Variants in ASAP1 observed in about 807,000 individuals in gnomAD.
ASAP1 encodes the protein arf-GAP with SH3 domain, ANK repeat and PH domain-containing protein 1.
Under a neutral mutation model 145.2 loss-of-function variants are expected in ASAP1, and 43 were observed. The observed-to-expected ratio is 0.30, with a 90% CI of 0.23 to 0.38. The LOEUF is 0.38. Ranked by LOEUF, ASAP1 falls within the 10% of genes least tolerant of loss-of-function variation. ASAP1 has a pLI of 1.00. For missense variants in ASAP1, 1,018 were observed against 1,355.3 expected (o/e 0.75, Z 3.91); for synonymous variants, 546 against 515.5 (o/e 1.06, Z -0.80).
chr8:130,093,187 T>C (rs1044469380), intron 24 of ASAP1, among the ~76,000 whole-genome samples: 3 of 151,968 alleles, frequency 2.0e-5, no homozygotes, highest in African/African-American at 7.3e-5. Context: ...CACACAAAAA[T>C]GGGGTTCGTT....
intron 3 of ASAP1, among the ~76,000 whole-genome samples, chr8:130,352,621 T>G (rs528641135): frequency 6.6e-6 from 1 of 152,338 alleles, no homozygotes; most frequent in South Asian, 2.1e-4. Flanking sequence ...ACTGGTTGTA[T>G]GACCTGGGCA....
chr8:130,387,532 T>C (rs1272777394), intron 2 of ASAP1, among the ~76,000 whole-genome samples: 2 of 144,838 alleles, frequency 1.4e-5, no homozygotes, highest in Non-Finnish European at 3.0e-5. Flanking sequence ...TGAGACTCCA[T>C]CAAGAAAGAA....
chr8:130,199,395 C>T (rs994573320), intron 5 of ASAP1, among the ~76,000 whole-genome samples: 1 of 152,166 alleles, frequency 6.6e-6, no homozygotes, highest in African/African-American at 2.4e-5. Context: ...CAGTTTTGGT[C>T]GTCCTGGAGT....
chr8:130,255,788 C>T (rs142733923), intron 3 of ASAP1, among the ~76,000 whole-genome samples: 35 of 152,276 alleles, frequency 2.3e-4, no homozygotes, highest in African/African-American at 8.4e-4. Context: ...AAGTTTTTGA[C>T]TTCTAAAAAG....
At chr8:130,352,486 A>C (rs1387630285) in intron 3 of ASAP1, among the ~76,000 whole-genome samples, 1 of 152,226 alleles carries the variant, frequency 6.6e-6, no homozygotes, top group Non-Finnish European at 1.5e-5. Flanking sequence ...TATCATCAGC[A>C]TGGCAGACAC....
At chr8:130,350,825 G>T (rs1369469411) in intron 3 of ASAP1, among the ~76,000 whole-genome samples, 1 of 152,230 alleles carries the variant, frequency 6.6e-6, no homozygotes, top group Non-Finnish European at 1.5e-5. Context: ...CAGGAAGCTG[G>T]AAGCAGACAG....
chr8:130,136,911 A>T (rs1334049659), intron 14 of ASAP1, 40 bp downstream of exon 14: 1 of 1,545,650 alleles, frequency 6.5e-7, no homozygotes, highest in Non-Finnish European at 8.9e-7. Context: ...CAGGTGTCAG[A>T]AGCCACAATA....
intron 3 of ASAP1, among the ~76,000 whole-genome samples, chr8:130,254,395 G>A (rs1031812444): frequency 2.1e-4 from 32 of 152,174 alleles, no homozygotes; most frequent in African/African-American, 7.7e-4. Flanking sequence ...TAATCATACA[G>A]TGGTCTGTTA....
intron 3 of ASAP1, among the ~76,000 whole-genome samples, chr8:130,311,462 T>C (rs1823336038): frequency 6.6e-6 from 1 of 152,164 alleles, no homozygotes; most frequent in Admixed American, 6.5e-5. Flanking sequence ...AAGCCAGTAC[T>C]TAAAAAGGGC....
chr8:130,206,221 C>G (rs1816210546), intron 5 of ASAP1, among the ~76,000 whole-genome samples: 2 of 152,056 alleles, frequency 1.3e-5, no homozygotes, highest in Non-Finnish European at 2.9e-5. Context: ...AGATCAAACG[C>G]TGAAAACTGC....
At chr8:130,186,491 G>C (rs1237353068) in intron 7 of ASAP1, among the ~76,000 whole-genome samples, 2 of 152,036 alleles carry the variant, frequency 1.3e-5, no homozygotes, top group Non-Finnish European at 2.9e-5. Context: ...CTACTGCTTG[G>C]TGTTACAAAT....
chr8:130,229,648 T>C (rs558018867), intron 4 of ASAP1, among the ~76,000 whole-genome samples: 1 of 152,372 alleles, frequency 6.6e-6, no homozygotes, highest in South Asian at 2.1e-4. Context: ...ATGGCAGCTA[T>C]ATTTATTTTT....
intron 5 of ASAP1, among the ~76,000 whole-genome samples, chr8:130,200,867 T>C (rs916031831): frequency 1.3e-5 from 2 of 152,224 alleles, no homozygotes; most frequent in Non-Finnish European, 2.9e-5. Flanking sequence ...TCAGATGTCA[T>C]GTATAAAAGT....
intron 13 of ASAP1, among the ~76,000 whole-genome samples, chr8:130,140,444 T>C (rs1298161224): frequency 6.6e-6 from 1 of 152,016 alleles, no homozygotes; most frequent in Non-Finnish European, 1.5e-5. Context: ...CAGGGGTTTG[T>C]TGTACGTATT....
At chr8:130,160,806 A>T in intron 11 of ASAP1, 1 of 1,284,030 alleles carries the variant, frequency 7.8e-7, no homozygotes, top group Non-Finnish European at 1.0e-6. Flanking sequence ...TCGATCAGGA[A>T]GGGCAAAAGA....
Position 130,278,791 on chromosome 8 carries a change from C to G in ASAP1, c.187-41797G>C, listed in dbSNP as rs184920655. Reference sequence around the variant, plus strand: ...CTGTTGTTTCTGGGCCACCCAACATCTACTCACCGTACCCAGTAACCACTC... The same window carrying G: ...CTGTTGTTTCTGGGCCACCCAACATGTACTCACCGTACCCAGTAACCACTC... On this transcript the variant is annotated intron_variant, in intron 3 of 29. Coordinates refer to ENST00000518721, the MANE Select transcript of ASAP1 (RefSeq NM_018482.4). Among the ~76,000 whole-genome samples, 10 of 152,312 alleles carry G rather than the reference C, an allele frequency of 6.6e-5. No homozygotes were observed. The East Asian group carries it at 1.9e-3, about 29-fold the overall frequency.
chr8:130,161,572 A>T (rs1171180157), intron 11 of ASAP1, among the ~76,000 whole-genome samples: 1 of 152,148 alleles, frequency 6.6e-6, no homozygotes, highest in Admixed American at 6.5e-5. Flanking sequence ...TTGTGTAGGT[A>T]ACTGGGAGCT....
intron 3 of ASAP1, among the ~76,000 whole-genome samples, chr8:130,300,147 CACACACAGAGAG>C (rs1161803383): frequency 1.8e-4 from 18 of 100,328 alleles, no homozygotes; most frequent in East Asian, 7.6e-4. Flanking sequence ...CACACACACA[CACACACAGAGAG>C]AGAGAGAGAG....
At position 130,199,802 on chromosome 8, in the gene ASAP1, C is replaced by T. The variant is rs182636415; in HGVS notation, c.406-11619G>A. ...GGAGATGCTCAAACTGCCTCAGAGA[C>T]AGGGCAGCCCTGGTCCCCAACTCAA... On this transcript the variant is annotated intron_variant, in intron 5 of 29. Transcript: ENST00000518721. Among the ~76,000 whole-genome samples the T allele has an allele frequency of 1.1e-4, 17 of 152,296 alleles. No homozygotes were observed. The East Asian group carries it at 2.5e-3, about 22-fold the overall frequency.
Sources: allele counts gnomAD v4.1 joint callset (sites outside exome capture counted in the v4.1 genomes callset), GRCh38; gene constraint gnomAD v4.1.1; transcripts MANE v1.5; gene names NCBI Gene and HGNC (gene_info 2026-07-23, HGNC 2026-07-21).